Variants in CAPN13 observed in about 807,000 individuals in gnomAD.
CAPN13 encodes the protein calpain 13.
In CAPN13, 90 loss-of-function variants were observed where a neutral mutation model predicts 98.4. The ratio of observed to expected loss-of-function variants is 0.92; its 90% CI spans 0.77 to 1.09. The LOEUF is 1.09. Ranked by LOEUF, CAPN13 falls within the 50% of genes least tolerant of loss-of-function variation. CAPN13 has a pLI of 0.00. For missense variants in CAPN13, 887 were observed against 841.3 expected, an observed-to-expected ratio of 1.05 and a Z score of -0.67; for synonymous variants, 330 against 305.5, an observed-to-expected ratio of 1.08 and a Z score of -0.84.
chr2:30,798,100 GCTGT>G (rs1674981412), intron 1 of CAPN13, among the ~76,000 whole-genome samples: 1 of 152,254 alleles, frequency 6.6e-6, no homozygotes, highest in Non-Finnish European at 1.5e-5. Context: ...CTATATCTGT[GCTGT>G]CTAATACAGT....
rs1671167318 is a variant in CAPN13, at chr2:30,732,690, C to CCCCT, written c.1799-128_1799-125dup. ...CTCCCACCAACTCCTCCCACTCAGC[C>CCCCT]CCCTCCCTTCAGTGTCTTCTCTTTC... On this transcript the variant is annotated intron_variant, in intron 19 of 22. Transcript: ENST00000295055. 29 of 1,278,540 alleles carry CCCCT rather than the reference C, an allele frequency of 2.3e-5. No homozygotes were observed. In the South Asian group the frequency reaches 3.6e-4, roughly 16 times the overall value. The allele number at this position is 1,278,540 out of a possible 1,614,324, so 79.2% of individuals were successfully genotyped here. A position where few individuals can be genotyped will look rare whatever the true frequency, so the allele number is the denominator to read the frequency against.
chr2:30,765,939 T>C (rs1368035372), intron 5 of CAPN13, among the ~76,000 whole-genome samples: 1 of 152,226 alleles, frequency 6.6e-6, no homozygotes, highest in East Asian at 1.9e-4. Flanking sequence ...GATTTTTCTC[T>C]CTGGAGCATT....
intron 7 of CAPN13, among the ~76,000 whole-genome samples, chr2:30,758,663 A>G (rs937822345): frequency 3.9e-5 from 6 of 152,144 alleles, no homozygotes; most frequent in African/African-American, 1.4e-4. Flanking sequence ...CAAGATAGCC[A>G]AGGCTAGCCC....
chr2:30,791,353 T>C (rs189522492), intron 1 of CAPN13, among the ~76,000 whole-genome samples: 1 of 152,372 alleles, frequency 6.6e-6, no homozygotes, highest in African/African-American at 2.4e-5. Context: ...TGCCAGCACC[T>C]AGCGCTAGGC....
At position 30,745,746 on chromosome 2, in the gene CAPN13, A is replaced by G. The variant is rs1475800882; in HGVS notation, c.1237-12T>C. 1 of 1,595,132 alleles carries G rather than the reference A, an allele frequency of 6.3e-7. No homozygotes were observed. Among genetic ancestry groups the G allele is most frequent in the East Asian group, 2.2e-5 (1 of 44,838 alleles). On this transcript the variant is annotated splice_polypyrimidine_tract_variant and intron_variant, in intron 11 of 22. Coordinates refer to ENST00000295055, the MANE Select transcript of CAPN13 (RefSeq NM_144575.3). ...ACCTGTGAGCCAGCCTGTTGGAAAC[A>G]GGGAGAAAGGCAGATTTAGGAACTC... is the stretch of plus-strand genomic sequence containing the variant.
chr2:30,731,536 T>A, intron 20 of CAPN13, 137 bp from the exon 21 acceptor site: 1 of 669,694 alleles, frequency 1.5e-6, no homozygotes, highest in Non-Finnish European at 2.4e-6. Flanking sequence ...GGGGTGTGCC[T>A]GTCACCCATC....
chr2:30,761,301 C>T (rs1335437846), intron 7 of CAPN13, among the ~76,000 whole-genome samples: 1 of 152,144 alleles, frequency 6.6e-6, no homozygotes, highest in African/African-American at 2.4e-5. Flanking sequence ...TCTGTTTAGA[C>T]CACTCGGTAT....
chr2:30,753,204 A>G lies in CAPN13; in HGVS notation c.942-6T>C, dbSNP rs192787969. ...GGAAATCTTGACACGACATCCTGTTAAAAACAGATATACATCACTCAGTGA... is the reference window on the plus strand; with the variant it reads ...GGAAATCTTGACACGACATCCTGTTGAAAACAGATATACATCACTCAGTGA... On this transcript the variant is annotated splice_region_variant and splice_polypyrimidine_tract_variant and intron_variant, in intron 9 of 22. Transcript: ENST00000295055. The G allele has an allele frequency of 2.6e-5, 42 of 1,613,922 alleles. 1 individual carries two copies. Among genetic ancestry groups the G allele is most frequent in the South Asian group, 9.9e-5 (9 of 91,058 alleles).
chr2:30,788,086 G>A, intron 1 of CAPN13, among the ~76,000 whole-genome samples: 1 of 151,804 alleles, frequency 6.6e-6, no homozygotes, highest in East Asian at 1.9e-4. Flanking sequence ...GAATATGGGG[G>A]ATAGGGAGGA....
intron 2 of CAPN13, among the ~76,000 whole-genome samples, chr2:30,778,619 A>G (rs1205854187): frequency 6.6e-6 from 1 of 152,224 alleles, no homozygotes; most frequent in African/African-American, 2.4e-5. Flanking sequence ...GTACAGAGTC[A>G]TGTGCCTTGT....
rs902821532 is a variant in CAPN13, at chr2:30,750,989, T to C, written c.1236+114A>G. On this transcript the variant is annotated intron_variant, in intron 11 of 22. Transcript: ENST00000295055. ...TGAATGCTACAGCCTCTTTGGGCTT[T>C]ATCTCCAAGGCTGTGGTGCAGTCAA... The C allele has an allele frequency of 6.6e-6, 8 of 1,213,988 alleles. No homozygotes were observed. The African/African-American group carries it at 1.1e-4, about 16-fold the overall frequency. 75.2% of individuals were successfully genotyped at this position (1,213,988 alleles called of 1,614,324 possible).
intron 2 of CAPN13, among the ~76,000 whole-genome samples, chr2:30,781,454 G>T (rs1288586325): frequency 6.6e-6 from 1 of 152,200 alleles, no homozygotes. Context: ...GTCCATGAGG[G>T]TGCTTCCACA....
chr2:30,762,946 C>T (rs1672920962), intron 7 of CAPN13, 136 bp downstream of exon 7: 1 of 641,266 alleles, frequency 1.6e-6, no homozygotes, highest in Non-Finnish European at 2.6e-6. Context: ...TGGTGCATGT[C>T]ACCACAGAGG....
chr2:30,792,406 G>T (rs368395219), intron 1 of CAPN13, among the ~76,000 whole-genome samples: 41 of 152,106 alleles, frequency 2.7e-4, no homozygotes, highest in African/African-American at 9.4e-4. Flanking sequence ...ACATTAAAGG[G>T]CTAATAAGAG....
At chr2:30,735,547 T>C (rs1315378465) in intron 18 of CAPN13, among the ~76,000 whole-genome samples, 1 of 152,154 alleles carries the variant, frequency 6.6e-6, no homozygotes, top group East Asian at 1.9e-4. Flanking sequence ...ACCCCTGCTG[T>C]GTTTTAGCCA....
Position 30,777,581 on chromosome 2 carries a change from T to G in CAPN13, c.257A>C (p.Gln86Pro). 6.3e-7 allele frequency: 1 copy of G among 1,578,258 alleles called. No individual in the cohort carries two copies. Among genetic ancestry groups the G allele is most frequent in the South Asian group, 1.2e-5 (1 of 85,788 alleles). The change falls in exon 3 of 23, where the codon CAA (glutamine) becomes CCA (proline). Residue 86 changes from glutamine to proline, a missense_variant. Gln to Pro is a moderately conservative substitution (Grantham distance 76, BLOSUM62 -1). Coordinates refer to ENST00000295055, the MANE Select transcript of CAPN13 (RefSeq NM_144575.3). ...TGCACTCTTACCTGCGCCTCCTTGT[T>G]GGATGTCAAATCTGCTTATATCATC... ...ILDDISRFDI[Q>P]QGGAADCWFL...
At chr2:30,766,039 G>A (rs953194375) in intron 5 of CAPN13, among the ~76,000 whole-genome samples, 6 of 152,186 alleles carry the variant, frequency 3.9e-5, no homozygotes, top group Non-Finnish European at 7.3e-5. Flanking sequence ...TGTGGGTTCT[G>A]GCTCCTGTTC....
chr2:30,752,224 C>T (rs970161788), intron 10 of CAPN13, among the ~76,000 whole-genome samples: 1 of 152,212 alleles, frequency 6.6e-6, no homozygotes, highest in Non-Finnish European at 1.5e-5. Flanking sequence ...ACCAACCATC[C>T]CGACAGGCAG....
chr2:30,776,082 C>T, intron 3 of CAPN13, 37 bp from the exon 4 acceptor site: 1 of 1,437,368 alleles, frequency 7.0e-7, no homozygotes, highest in Non-Finnish European at 9.7e-7. Context: ...GCTGATTGGA[C>T]ACACTTGGAA....
Sources: gnomAD v4.1 joint callset for allele counts (sites outside exome capture counted in the v4.1 genomes callset) on GRCh38, gnomAD v4.1.1 for gene constraint, MANE v1.5 for transcripts, NCBI Gene and HGNC (gene_info 2026-07-23, HGNC 2026-07-21) for gene names.